Variants in MYH15 observed in about 807,000 individuals in gnomAD.
MYH15 encodes the protein myosin heavy chain 15, also known as myosin-15.
Under a neutral mutation model 240.5 loss-of-function variants are expected in MYH15, and 227 were observed. That is an observed-to-expected ratio of 0.94 (90% CI 0.85 to 1.05). MYH15 has a LOEUF of 1.05. MYH15 is among the 50% of genes least tolerant of loss of function. MYH15 has a pLI of 0.00. For synonymous variants in MYH15, 785 were observed against 796.7 expected, an observed-to-expected ratio of 0.99 and a Z score of 0.25; for missense variants, 2,217 against 2,247.5, an observed-to-expected ratio of 0.99 and a Z score of 0.27.
chr3:108,411,198 C>T (rs1160027909), intron 30 of MYH15, among the ~76,000 whole-genome samples: 1 of 152,148 alleles, frequency 6.6e-6, no homozygotes, highest in Non-Finnish European at 1.5e-5. Flanking sequence ...TGAATTCCTA[C>T]AAATATTTGC....
chr3:108,391,675 G>C (rs539503236), intron 37 of MYH15, 85 bp downstream of exon 37: 1 of 1,374,412 alleles, frequency 7.3e-7, no homozygotes, highest in Non-Finnish European at 1.0e-6. Context: ...TATGTGTGTT[G>C]GGGGGCAGAT....
chr3:108,511,115 T>C (rs2083519641), upstream of MYH15, among the ~76,000 whole-genome samples: 1 of 151,988 alleles, frequency 6.6e-6, no homozygotes, highest in Non-Finnish European at 1.5e-5. Flanking sequence ...AGGCCTTTGA[T>C]AGGCGTGGAG....
intron 22 of MYH15, 100 bp downstream of exon 22, chr3:108,444,540 C>A: frequency 1.5e-6 from 2 of 1,343,772 alleles, no homozygotes; most frequent in Admixed American, 2.2e-5. Context: ...ATTTGAAAAC[C>A]ACATGCATCT....
chr3:108,387,700 T>C (rs1461216330), intron 38 of MYH15, among the ~76,000 whole-genome samples: 1 of 152,176 alleles, frequency 6.6e-6, no homozygotes, highest in Non-Finnish European at 1.5e-5. Flanking sequence ...TAGCAAACTT[T>C]TAAGTTCCCA....
chr3:108,511,406 G>T (rs1296980992), upstream of MYH15, among the ~76,000 whole-genome samples: 1 of 152,180 alleles, frequency 6.6e-6, no homozygotes. Flanking sequence ...AATAAATAAA[G>T]AAGTTCATTG....
intron 1 of MYH15, among the ~76,000 whole-genome samples, chr3:108,526,984 T>C (rs2083677464): frequency 1.3e-5 from 2 of 152,190 alleles, no homozygotes; most frequent in Admixed American, 1.3e-4. Flanking sequence ...TCAATATTCT[T>C]ACTTCTAGTT....
intron 14 of MYH15, among the ~76,000 whole-genome samples, chr3:108,468,994 C>T (rs1040229799): frequency 2.2e-4 from 33 of 152,296 alleles, no homozygotes; most frequent in East Asian, 1.7e-3. Flanking sequence ...TTTTAATCAG[C>T]TCATGTTTGA....
At chr3:108,519,005 A>G (rs1051367163) in intron 1 of MYH15, among the ~76,000 whole-genome samples, 1 of 152,194 alleles carries the variant, frequency 6.6e-6, no homozygotes. Flanking sequence ...TAGGGAATGA[A>G]CCAACAAATA....
At chr3:108,507,594 C>A (rs1319315299) in intron 1 of MYH15, among the ~76,000 whole-genome samples, 1 of 152,104 alleles carries the variant, frequency 6.6e-6, no homozygotes, top group Non-Finnish European at 1.5e-5. Context: ...GCACCATTTG[C>A]CCCTTCTTCC....
Position 108,410,788 on chromosome 3 carries a change from T to C in MYH15, c.4290A>G (p.Ala1430=). Residue 1430 remains alanine (A), a synonymous_variant, in exon 31 of 41, where the codon GCA becomes GCG. Transcript: ENST00000693548. ...ALSDLGKVRS[A]AARLDQKQLQ... ...GCTGCTTCTGGTCCAGCCTGGCTGC[T>C]GCAGAGCGGACCTTCCCGAGGTCAG... 6.2e-7 allele frequency: 1 copy of C among 1,614,156 alleles called. No homozygotes were observed.
intron 1 of MYH15, among the ~76,000 whole-genome samples, chr3:108,516,078 C>T (rs1576279201): frequency 6.6e-6 from 1 of 152,250 alleles, no homozygotes; most frequent in South Asian, 2.1e-4. Flanking sequence ...ATTTCAGTGC[C>T]TTAACTATAA....
rs753000165 is a variant in MYH15 at position 108,405,315 on chromosome 3, C to A, written c.4736+23G>T. 3.7e-6 allele frequency: 5 copies of A among 1,351,346 alleles called. No homozygotes were observed. The South Asian group carries it at 7.9e-5, about 21-fold the overall frequency. The allele number at this position is 1,351,346 out of a possible 1,614,324, so 83.7% of individuals were successfully genotyped here. On this transcript the variant is annotated intron_variant, in intron 33 of 40. Coordinates refer to ENST00000693548, the MANE Select transcript of MYH15 (RefSeq NM_014981.3). ...AGGATTCAGAAATACATAATTGTTA[C>A]ACATCAAAATCATCTTAAATACCTA... is the stretch of plus-strand genomic sequence containing the variant.
At chr3:108,545,867 T>C in the MYH15 span, among the ~76,000 whole-genome samples, 7 of 152,144 alleles carry the variant, frequency 4.6e-5, no homozygotes, top group African/African-American at 9.6e-5. Flanking sequence ...TTTTACTCCA[T>C]GACTGTACCT....
intron 21 of MYH15, among the ~76,000 whole-genome samples, chr3:108,449,471 A>T (rs1288866705): frequency 6.6e-6 from 1 of 152,092 alleles, no homozygotes; most frequent in African/African-American, 2.4e-5. Flanking sequence ...AAGTTGCCAA[A>T]AACACACAGT....
chr3:108,542,882 T>A, the MYH15 span, among the ~76,000 whole-genome samples: 1 of 58,420 alleles, frequency 1.7e-5, no homozygotes, highest in Admixed American at 1.4e-4. Flanking sequence ...ATCTCGTTCC[T>A]TTTTTTTTTT....
chr3:108,444,541 A>G (rs886579729), intron 22 of MYH15, 99 bp downstream of exon 22: 2 of 1,347,270 alleles, frequency 1.5e-6, no homozygotes, highest in Non-Finnish European at 2.0e-6. Flanking sequence ...TTTGAAAACC[A>G]CATGCATCTA....
intron 33 of MYH15, 139 bp from the exon 34 acceptor site, chr3:108,399,406 T>G: frequency 6.9e-6 from 5 of 720,172 alleles, no homozygotes; most frequent in Non-Finnish European, 1.1e-5. Context: ...AAAATGAGTC[T>G]AAGTGCTTTT....
chr3:108,528,060 T>C (rs369117329), intron 1 of MYH15, among the ~76,000 whole-genome samples: 2 of 152,106 alleles, frequency 1.3e-5, no homozygotes, highest in East Asian at 3.9e-4. Flanking sequence ...ATAACAGTAT[T>C]AATCCGTTAA....
chr3:108,509,209 T>C (rs900921469), intron 1 of MYH15, among the ~76,000 whole-genome samples: 16 of 152,344 alleles, frequency 1.1e-4, no homozygotes, highest in Admixed American at 9.8e-4. Context: ...TGCATTTCTA[T>C]GAGGAAGGAT....
Sources: allele counts gnomAD v4.1 joint callset (sites outside exome capture counted in the v4.1 genomes callset), GRCh38; gene constraint gnomAD v4.1.1; transcripts MANE v1.5; gene names NCBI Gene and HGNC (gene_info 2026-07-23, HGNC 2026-07-21).